TRPC1: variants seen among roughly 807,000 people sequenced by gnomAD.
The protein encoded by TRPC1 is short transient receptor potential channel 1.
In TRPC1, 42 loss-of-function variants were observed where a neutral mutation model predicts 88.2. The ratio of observed to expected loss-of-function variants is 0.48; its 90% confidence interval spans 0.37 to 0.62. TRPC1 has a LOEUF of 0.62. TRPC1 is among the 20% of genes least tolerant of loss of function. The pLI, the probability that TRPC1 is intolerant of heterozygous loss-of-function variation, is 0.00. For synonymous variants in TRPC1, 288 were observed against 331.8 expected (o/e 0.87, Z 1.43); for missense variants, 699 against 957.3 (o/e 0.73, Z 3.56).
chr3:142,803,724 G>A (rs1936691979), intron 10 of TRPC1, among the ~76,000 whole-genome samples: 1 of 152,168 alleles, frequency 6.6e-6, no homozygotes, highest in East Asian at 1.9e-4. Flanking sequence ...AAATCATATA[G>A]GCTGCCTTGT....
chr3:142,737,334 ATATGTATGTATG>A (rs371372307), intron 2 of TRPC1, among the ~76,000 whole-genome samples: 1 of 147,336 alleles, frequency 6.8e-6, no homozygotes, highest in Non-Finnish European at 1.5e-5. Flanking sequence ...TTATATATAT[ATATGTATGTATG>A]TATGTATGTA....
intron 4 of TRPC1, among the ~76,000 whole-genome samples, chr3:142,754,254 C>G (rs1189609409): frequency 1.3e-5 from 2 of 151,766 alleles, no homozygotes; most frequent in African/African-American, 4.8e-5. Flanking sequence ...TGGTTTTAGT[C>G]TCAATATTTG....
At chr3:142,732,480 G>A (rs1933961989) in intron 1 of TRPC1, among the ~76,000 whole-genome samples, 1 of 152,116 alleles carries the variant, frequency 6.6e-6, no homozygotes, top group African/African-American at 2.4e-5. Context: ...AGAAAAGCCT[G>A]ACTAGAGTTT....
At position 142,748,450 on chromosome 3, in the gene TRPC1, C is replaced by G; in HGVS notation, c.622C>G (p.Arg208Gly). The change falls in exon 4 of 13, where the codon CGG becomes GGG. Residue 208 changes from arginine (R) to glycine (G), a missense_variant. Coordinates refer to ENST00000476941, the MANE Select transcript of TRPC1 (RefSeq NM_001251845.2). Reference protein sequence around the residue: ...CSAKNKKDSLRHSRFRLDIYR... With the variant: ...CSAKNKKDSLGHSRFRLDIYR... The stretch of plus-strand genomic sequence containing the variant: ...TGCAAAAAACAAAAAGGATAGCCTC[C>G]GGCATTCCAGGTTAGAACATTAAAC... The G allele has an allele frequency of 1.2e-6, 2 of 1,613,908 alleles. No homozygotes were observed. The highest frequency in any genetic ancestry group is 3.3e-4 in the Middle Eastern group (2 of 6,056).
intron 6 of TRPC1, among the ~76,000 whole-genome samples, chr3:142,783,417 C>T (rs1936025062): frequency 6.6e-6 from 1 of 152,178 alleles, no homozygotes; most frequent in South Asian, 2.1e-4. Context: ...TAAGTATTTG[C>T]ATATAACATA....
chr3:142,751,669 G>A (rs537950270), intron 4 of TRPC1, among the ~76,000 whole-genome samples: 1 of 152,128 alleles, frequency 6.6e-6, no homozygotes, highest in Non-Finnish European at 1.5e-5. Context: ...CAGGCAGCCT[G>A]GTGACAAACT....
Position 142,724,789 on chromosome 3 carries a change from C to A in TRPC1, c.172+58C>A, listed in dbSNP as rs1017337358. The A allele has an allele frequency of 6.9e-7, 1 of 1,441,952 alleles. No individual in the cohort carries two copies. Among genetic ancestry groups the A allele is most frequent in the Non-Finnish European group, 9.2e-7 (1 of 1,088,970 alleles). 89.3% of individuals were successfully genotyped at this position (1,441,952 alleles called of 1,614,324 possible). On this transcript the variant is annotated intron_variant, in intron 1 of 12. Transcript: ENST00000476941. This position sits in a 1 kb window ranked among gnomAD's most constrained non-coding sequence, Gnocchi z 5.6. ...CCCTGTCCTCCAGACCTTTAGTCCT[C>A]TCCCCCGCCTCAACTTATATCGGGG...
Position 142,803,918 on chromosome 3 carries a change from A to T in TRPC1, c.1758-59A>T, listed in dbSNP as rs1372484278. 2.7e-6 allele frequency: 4 copies of T among 1,504,898 alleles called. No homozygotes were observed. In the African/African-American group the frequency reaches 4.2e-5, roughly 16 times the overall value. 93.2% of individuals were successfully genotyped at this position (1,504,898 alleles called of 1,614,324 possible). On this transcript the variant is annotated intron_variant, in intron 10 of 12. Coordinates refer to ENST00000476941, the MANE Select transcript of TRPC1 (RefSeq NM_001251845.2). The stretch of plus-strand genomic sequence containing the variant: ...TAAATAATTTTGATATAAACAAATG[A>T]TTCATTTTTGCTAATTTCTTTAATT...
At chr3:142,795,713 T>C (rs1304267502) in intron 9 of TRPC1, among the ~76,000 whole-genome samples, 5 of 152,056 alleles carry the variant, frequency 3.3e-5, no homozygotes, top group African/African-American at 1.2e-4. Flanking sequence ...ACAAGGAACG[T>C]TAATAGAAGT....
At chr3:142,725,046 G>A (rs1169225303) in intron 1 of TRPC1, among the ~76,000 whole-genome samples, 24 of 152,310 alleles carry the variant, frequency 1.6e-4, no homozygotes, top group Admixed American at 1.4e-3. Context: ...GCTACTGACC[G>A]CATGAATGAC....
intron 4 of TRPC1, among the ~76,000 whole-genome samples, chr3:142,759,176 T>C (rs903456856): frequency 6.6e-6 from 1 of 152,240 alleles, no homozygotes; most frequent in Non-Finnish European, 1.5e-5. Context: ...TTTATAATCC[T>C]TTGGGTATAT....
At chr3:142,775,810 A>C (rs1935749502) in intron 4 of TRPC1, among the ~76,000 whole-genome samples, 1 of 152,240 alleles carries the variant, frequency 6.6e-6, no homozygotes, top group African/African-American at 2.4e-5. Flanking sequence ...AGGCATCTAA[A>C]GAAATTCATT....
chr3:142,747,092 G>T (rs1319022505), intron 3 of TRPC1, among the ~76,000 whole-genome samples: 2 of 152,112 alleles, frequency 1.3e-5, no homozygotes, highest in Non-Finnish European at 2.9e-5. Context: ...CTGCTTTATG[G>T]ATTATTAAAA....
At chr3:142,741,847 T>C (rs1299196539) in intron 2 of TRPC1, among the ~76,000 whole-genome samples, 2 of 152,188 alleles carry the variant, frequency 1.3e-5, no homozygotes, top group East Asian at 3.9e-4. Context: ...GACATTACTA[T>C]AGTTAGCTTT....
intron 2 of TRPC1, among the ~76,000 whole-genome samples, chr3:142,737,172 C>T (rs1199016587): frequency 1.3e-5 from 2 of 149,524 alleles, no homozygotes; most frequent in African/African-American, 2.5e-5. Context: ...TTTTCCTTTC[C>T]TTTTTGGTTT....
At chr3:142,791,758 A>G (rs775156862) in intron 8 of TRPC1, among the ~76,000 whole-genome samples, 6 of 152,068 alleles carry the variant, frequency 3.9e-5, no homozygotes, top group Non-Finnish European at 5.9e-5. Flanking sequence ...ACACATTTCA[A>G]ATCATGATTA....
At chr3:142,789,992 AGAGAT>A (rs1156411306) in intron 7 of TRPC1, among the ~76,000 whole-genome samples, 1 of 152,216 alleles carries the variant, frequency 6.6e-6, no homozygotes, top group Non-Finnish European at 1.5e-5. Flanking sequence ...GTGTTAGAAA[AGAGAT>A]AAGTAATACA....
Position 142,792,697 on chromosome 3 carries a change from C to T in TRPC1, c.1438-127C>T, listed in dbSNP as rs1208538801. 1 of 753,010 alleles carries T rather than the reference C, an allele frequency of 1.3e-6. No individual in the cohort carries two copies. Among genetic ancestry groups the T allele is most frequent in the Non-Finnish European group, 1.9e-6 (1 of 527,858 alleles). The allele number at this position is 753,010 out of a possible 1,614,324, so 46.6% of individuals were successfully genotyped here. ...TCTATTTTTAAAAAACCCTATAAAA[C>T]ATAAGTGGAGATCCCCTATAAGAAG... On this transcript the variant is annotated intron_variant, in intron 8 of 12. Transcript: ENST00000476941. This position sits in a 1 kb window ranked among gnomAD's most constrained non-coding sequence, Gnocchi z 4.0.
At position 142,807,815 on chromosome 3, in the gene TRPC1, T is replaced by G. The variant is rs893842311; in HGVS notation, c.*1580T>G. ...TACTGTATGCATGAGTTGAGTTGCTTCTGAGGTACATTTTGAATGACAGCA... is the reference window on the plus strand; with the variant it reads ...TACTGTATGCATGAGTTGAGTTGCTGCTGAGGTACATTTTGAATGACAGCA... On this transcript the variant is annotated 3_prime_UTR_variant, in exon 13 of 13. Coordinates refer to ENST00000476941, the MANE Select transcript of TRPC1 (RefSeq NM_001251845.2). 6.6e-6 allele frequency: 1 copy of G among 152,132 alleles called. No individual in the cohort carries two copies. The highest frequency in any genetic ancestry group is 1.5e-5 in the Non-Finnish European group (1 of 68,018). 9.4% of individuals were successfully genotyped at this position (152,132 alleles called of 1,614,324 possible). A position where few individuals can be genotyped will look rare whatever the true frequency, so the allele number is the denominator to read the frequency against.
Sources: allele counts gnomAD v4.1 joint callset (sites outside exome capture counted in the v4.1 genomes callset), GRCh38; gene constraint gnomAD v4.1.1; non-coding constraint Gnocchi (gnomAD v3.1); transcripts MANE v1.5; gene names NCBI Gene and HGNC (gene_info 2026-07-23, HGNC 2026-07-21).